TRIP12: variants seen among roughly 807,000 people sequenced by gnomAD.
TRIP12 encodes the protein thyroid hormone receptor interactor 12, also known as E3 ubiquitin-protein ligase TRIP12.
A neutral mutation model predicts 244.2 loss-of-function variants in TRIP12; 25 were observed. That is an observed-to-expected ratio of 0.10 (90% confidence interval 0.07 to 0.14). The LOEUF (loss-of-function observed/expected upper bound fraction) is 0.14. Ranked by LOEUF, TRIP12 falls within the 10% of genes least tolerant of loss-of-function variation. The probability of loss-of-function intolerance (pLI) is 1.00; values close to 1 mark genes in which losing one functional copy is unlikely to be tolerated. For missense variants in TRIP12, 1,677 were observed against 2,486.4 expected (o/e 0.67, Z 6.92); for synonymous variants, 905 against 873.1 (o/e 1.04, Z -0.64).
Position 229,880,006 on chromosome 2 carries a change from G to A in TRIP12, c.74C>T (p.Pro25Leu), listed in dbSNP as rs2064496645. The A allele has an allele frequency of 3.7e-6, 6 of 1,613,922 alleles. No individual in the cohort carries two copies. In the African/African-American group the frequency reaches 6.7e-5, roughly 18 times the overall value. ...CCTTCCTCCTATTGAGTCGTCTTGTGGTTGGGCCCCGGCAGTGTTCCTCTG... is the reference window on the plus strand; with the variant it reads ...CCTTCCTCCTATTGAGTCGTCTTGTAGTTGGGCCCCGGCAGTGTTCCTCTG... Reference protein sequence around the residue: ...RSQRNTAGAQPQDDSIGGRSH... With the variant: ...RSQRNTAGAQLQDDSIGGRSH... Residue 25 changes from proline to leucine, a missense_variant, in exon 2 of 42, where the codon CCA becomes CTA. Physicochemically the swap from Pro to Leu is moderately conservative, Grantham distance 98 (BLOSUM62 -3). Transcript: ENST00000675903.
chr2:229,879,682 G>GT (rs1378995200), intron 2 of TRIP12, among the ~76,000 whole-genome samples: 1 of 152,238 alleles, frequency 6.6e-6, no homozygotes, highest in Non-Finnish European at 1.5e-5. Context: ...GGTGAAAGAT[G>GT]TGTTGTAACA....
chr2:229,860,935 G>T (rs921622686), intron 2 of TRIP12, among the ~76,000 whole-genome samples: 1 of 152,034 alleles, frequency 6.6e-6, no homozygotes, highest in Admixed American at 6.6e-5. Flanking sequence ...AAAAGTTTAC[G>T]GAAAAGACAA....
At position 229,792,373 on chromosome 2, in the gene TRIP12, T is replaced by C. The variant is rs2041758791; in HGVS notation, c.4142-147A>G. On this transcript the variant is annotated intron_variant, in intron 27 of 41. Transcript: ENST00000675903. Reference sequence around the variant, plus strand: ...TGAAATGCTTGAGCCCAGAAGTGTTTTAGATTTCAAATTTTTTCAGATTTG... The same window carrying C: ...TGAAATGCTTGAGCCCAGAAGTGTTCTAGATTTCAAATTTTTTCAGATTTG... 3.8e-6 allele frequency: 3 copies of C among 794,950 alleles called. No homozygotes were observed. In the Admixed American group the frequency reaches 8.0e-5, roughly 21 times the overall value. The allele number at this position is 794,950 out of a possible 1,614,324, so 49.2% of individuals were successfully genotyped here.
chr2:229,841,345 C>T (rs1296416443), intron 4 of TRIP12, among the ~76,000 whole-genome samples: 2 of 152,130 alleles, frequency 1.3e-5, no homozygotes, highest in African/African-American at 4.8e-5. Flanking sequence ...TTATATAAGG[C>T]TCATCAATAA....
chr2:229,868,862 C>T (rs145945089), intron 2 of TRIP12, among the ~76,000 whole-genome samples: 4 of 152,278 alleles, frequency 2.6e-5, no homozygotes, highest in African/African-American at 9.6e-5. Flanking sequence ...CAAGAATATT[C>T]TGTTTTTCCT....
chr2:229,764,536 A>G lies in TRIP12; in HGVS notation c.*3018T>C, dbSNP rs1271017330. ...ACATTTTTTTTTTGGAATAGACTCC[A>G]CTCTCATTTCCTGAGCTCACGCTCA... On this transcript the variant is annotated 3_prime_UTR_variant, in exon 42 of 42. Coordinates refer to ENST00000675903, the MANE Select transcript of TRIP12 (RefSeq NM_001348323.3). 6.6e-6 allele frequency: 1 copy of G among 152,142 alleles called. No homozygotes were observed. The highest frequency in any genetic ancestry group is 2.4e-5 in the African/African-American group (1 of 41,440). 9.4% of individuals were successfully genotyped at this position (152,142 alleles called of 1,614,324 possible). A position where few individuals can be genotyped will look rare whatever the true frequency, so the allele number is the denominator to read the frequency against.
intron 1 of TRIP12, among the ~76,000 whole-genome samples, chr2:229,899,468 CCT>C (rs1360956805): frequency 1.3e-5 from 2 of 152,108 alleles, no homozygotes; most frequent in African/African-American, 4.8e-5. Context: ...TAGCCCAAGC[CCT>C]CTTTCAAAGA....
At chr2:229,826,917 C>G (rs1476568525) in intron 8 of TRIP12, among the ~76,000 whole-genome samples, 5 of 152,070 alleles carry the variant, frequency 3.3e-5, no homozygotes, top group Non-Finnish European at 7.4e-5. Flanking sequence ...AAAGCCTAGA[C>G]TATATATTAC....
chr2:229,870,745 G>C (rs2062411681), intron 2 of TRIP12, among the ~76,000 whole-genome samples: 1 of 152,152 alleles, frequency 6.6e-6, no homozygotes, highest in Non-Finnish European at 1.5e-5. Flanking sequence ...TAGGAATTAA[G>C]TTTGGCATTT....
At chr2:229,791,005 T>A in intron 30 of TRIP12, 119 bp downstream of exon 30, 1 of 1,303,592 alleles carries the variant, frequency 7.7e-7, no homozygotes, top group Non-Finnish European at 1.1e-6. Context: ...TGTAATGTCA[T>A]TTATTTCTCA....
intron 5 of TRIP12, among the ~76,000 whole-genome samples, chr2:229,838,818 A>T (rs1484016740): frequency 1.3e-5 from 2 of 152,224 alleles, no homozygotes; most frequent in Non-Finnish European, 2.9e-5. Context: ...TAAACAATCT[A>T]AAAAATTTAA....
chr2:229,864,613 C>G (rs1297269624), intron 2 of TRIP12, among the ~76,000 whole-genome samples: 2 of 151,784 alleles, frequency 1.3e-5, no homozygotes, highest in African/African-American at 4.8e-5. Flanking sequence ...CCAAACCTTC[C>G]TCTTTAATTG....
chr2:229,852,853 G>A (rs1206357682), intron 4 of TRIP12, among the ~76,000 whole-genome samples: 2 of 152,176 alleles, frequency 1.3e-5, no homozygotes, highest in Non-Finnish European at 2.9e-5. Context: ...CTCACTAAAT[G>A]TATTATATCA....
At chr2:229,819,975 T>C (rs1575485229) in intron 8 of TRIP12, among the ~76,000 whole-genome samples, 2 of 152,062 alleles carry the variant, frequency 1.3e-5, no homozygotes, top group South Asian at 2.1e-4. Flanking sequence ...TAAAAATCCA[T>C]CCAAAAATAC....
intron 8 of TRIP12, among the ~76,000 whole-genome samples, chr2:229,823,898 C>T (rs2050781445): frequency 6.6e-6 from 1 of 151,378 alleles, no homozygotes; most frequent in South Asian, 2.1e-4. Flanking sequence ...AATAGTCTGA[C>T]ACTATGTTAA....
chr2:229,843,489 G>A lies in TRIP12; in HGVS notation c.1028-2562C>T, dbSNP rs2056946039. On this transcript the variant is annotated intron_variant, in intron 4 of 41. Coordinates refer to ENST00000675903, the MANE Select transcript of TRIP12 (RefSeq NM_001348323.3). ...TGCCTGTAATCCCAGCACTTTGGGA[G>A]GCCAAGGCCTGAGGATCATTTGAGT... 2.0e-5 allele frequency among the ~76,000 whole-genome samples: 3 copies of A among 152,188 alleles called. No homozygotes were observed. In the South Asian group the frequency reaches 6.2e-4, roughly 31 times the overall value.
chr2:229,904,481 A>T (rs1173603303), intron 1 of TRIP12, among the ~76,000 whole-genome samples: 1 of 152,056 alleles, frequency 6.6e-6, no homozygotes, highest in Admixed American at 6.6e-5. Context: ...AATTATGGTT[A>T]AGTAAATATA....
At chr2:229,811,112 T>A in intron 14 of TRIP12, 24 bp downstream of exon 14, 2 of 1,613,704 alleles carry the variant, frequency 1.2e-6, no homozygotes, top group Non-Finnish European at 1.7e-6. Flanking sequence ...CTCATAAAAA[T>A]ACTACCAAAG....
At chr2:229,851,941 C>T (rs2058791023) in intron 4 of TRIP12, among the ~76,000 whole-genome samples, 1 of 152,224 alleles carries the variant, frequency 6.6e-6, no homozygotes, top group South Asian at 2.1e-4. Flanking sequence ...ATTCCGGACA[C>T]AAAACCATGT....
Sources: gnomAD v4.1 joint callset for allele counts (sites outside exome capture counted in the v4.1 genomes callset) on GRCh38, gnomAD v4.1.1 for gene constraint, MANE v1.5 for transcripts, NCBI Gene and HGNC (gene_info 2026-07-23, HGNC 2026-07-21) for gene names.